The following COL22A1 variants were observed in gnomAD, a reference collection of about 807,000 sequenced individuals.
COL22A1 encodes the protein collagen type XXII alpha 1 chain, also known as collagen alpha-1(XXII) chain.
In COL22A1, 221 loss-of-function variants were observed where a neutral mutation model predicts 248.9. The ratio of observed to expected loss-of-function variants is 0.89; its 90% CI spans 0.80 to 0.99. COL22A1 has a LOEUF of 0.99. COL22A1 is among the 50% of genes least tolerant of loss of function. COL22A1 has a pLI of 0.00. For missense variants in COL22A1, 2,240 were observed against 2,179.0 expected, an observed-to-expected ratio of 1.03 and a Z score of -0.56; for synonymous variants, 891 against 793.4, an observed-to-expected ratio of 1.12 and a Z score of -2.07.
At chr8:138,704,245 A>G (rs1828217189) in intron 30 of COL22A1, among the ~76,000 whole-genome samples, 2 of 152,234 alleles carry the variant, frequency 1.3e-5, no homozygotes, top group Admixed American at 6.5e-5. Flanking sequence ...GAAGACTTAA[A>G]TGTCCCTGTT....
rs1350192573 is a variant in COL22A1, at chr8:138,596,941, A to G, written c.4395T>C (p.Arg1465=). 1.2e-6 allele frequency: 2 copies of G among 1,614,066 alleles called. No homozygotes were observed. The highest frequency in any genetic ancestry group is 8.5e-7 in the Non-Finnish European group (1 of 1,179,962). The change falls in exon 62 of 65, where the codon CGT becomes CGC. Residue 1465 remains arginine (R), a synonymous_variant. Transcript: ENST00000303045. The stretch of plus-strand genomic sequence containing the variant: ...TCCCCAGCTCTTCTTGAATAAGCCG[A>G]CGCAGGGTTTCCATGGATGGAGACT... ...RGESPSMETL[R]RLIQEELGKQ...
In COL22A1 at chr8:138,866,881, A is replaced by G. The variant is rs540477574; in HGVS notation, c.658+10869T>C. On this transcript the variant is annotated intron_variant, in intron 3 of 64. Coordinates refer to ENST00000303045, the MANE Select transcript of COL22A1 (RefSeq NM_152888.3). Reference sequence around the variant, plus strand: ...AGTGGGCCGCTGGTCATGCATTTTGACCAATACATGGAAGGGAAGAGAAGA... The same window carrying G: ...AGTGGGCCGCTGGTCATGCATTTTGGCCAATACATGGAAGGGAAGAGAAGA... Among the ~76,000 whole-genome samples, 24 of 152,260 alleles carry G rather than the reference A, an allele frequency of 1.6e-4. No homozygotes were observed. In the South Asian group the frequency reaches 4.8e-3, roughly 30 times the overall value.
intron 1 of COL22A1, among the ~76,000 whole-genome samples, chr8:138,896,356 T>C (rs1031543726): frequency 5.9e-5 from 9 of 152,060 alleles, no homozygotes; most frequent in African/African-American, 1.2e-4. Flanking sequence ...AGGGGAAGGG[T>C]AAAGGGACTT....
chr8:138,834,369 G>T (rs575476672), intron 4 of COL22A1, among the ~76,000 whole-genome samples: 18 of 151,498 alleles, frequency 1.2e-4, no homozygotes, highest in Non-Finnish European at 2.1e-4. Context: ...AACAGGAAAT[G>T]GACTTGTAGG....
At chr8:138,735,149 G>A (rs150124900) in intron 23 of COL22A1, among the ~76,000 whole-genome samples, 4,862 of 152,212 alleles carry the variant, frequency 0.032, 241 homozygotes, top group East Asian at 0.24. Flanking sequence ...AAACCTGCAC[G>A]TTCTGCACAT....
At chr8:138,667,800 C>G (rs1337737359) in intron 41 of COL22A1, among the ~76,000 whole-genome samples, 1 of 152,074 alleles carries the variant, frequency 6.6e-6, no homozygotes, top group African/African-American at 2.4e-5. Context: ...AGGGTGAATG[C>G]ATCACAAAGA....
chr8:138,887,183 C>T lies in COL22A1; in HGVS notation c.-72-3939G>A, dbSNP rs149246415. ...ACCTGTTAACTGTCCCCACCTCTCCCCACCCCTAGCCCCTCACTATCCTTC... is the reference window on the plus strand; with the variant it reads ...ACCTGTTAACTGTCCCCACCTCTCCTCACCCCTAGCCCCTCACTATCCTTC... On this transcript the variant is annotated intron_variant, in intron 1 of 64. Transcript: ENST00000303045. 1.1e-4 allele frequency among the ~76,000 whole-genome samples: 16 copies of T among 152,008 alleles called. No homozygotes were observed. In the East Asian group the frequency reaches 2.1e-3, roughly 20 times the overall value.
chr8:138,638,242 C>CA (rs982750779), intron 47 of COL22A1, among the ~76,000 whole-genome samples: 4 of 152,154 alleles, frequency 2.6e-5, no homozygotes, highest in Non-Finnish European at 5.9e-5. Flanking sequence ...GTTTTTAAAA[C>CA]AAAAACATTT....
At chr8:138,747,279 G>T (rs56689472) in intron 22 of COL22A1, among the ~76,000 whole-genome samples, 3,909 of 152,274 alleles carry the variant, frequency 0.026, 136 homozygotes, top group African/African-American at 0.08. Flanking sequence ...GTATATGAAG[G>T]TTCATTTTAC....
intron 32 of COL22A1, among the ~76,000 whole-genome samples, chr8:138,698,074 G>C (rs1586489609): frequency 2.0e-5 from 3 of 152,304 alleles, no homozygotes; most frequent in Admixed American, 2.0e-4. Context: ...TTTTTACAGA[G>C]CAATTCCTTT....
In COL22A1 at chr8:138,756,432, G is replaced by A. The variant is rs60956868; in HGVS notation, c.1903-603C>T. ...CCTGACCGGATGTTCCAGCGTGTGCGCTACAACTTGGTCCTAAATGAAGCA... is the reference window on the plus strand; with the variant it reads ...CCTGACCGGATGTTCCAGCGTGTGCACTACAACTTGGTCCTAAATGAAGCA... On this transcript the variant is annotated intron_variant, in intron 18 of 64. Transcript: ENST00000303045. Among the ~76,000 whole-genome samples the A allele has an allele frequency of 5.5e-3, 835 of 152,144 alleles. 5 individuals are homozygous for A. The highest frequency in any genetic ancestry group is 0.018 in the African/African-American group (748 of 41,474).
intron 39 of COL22A1, among the ~76,000 whole-genome samples, chr8:138,683,647 T>C (rs1427765784): frequency 6.6e-6 from 1 of 152,120 alleles, no homozygotes; most frequent in Non-Finnish European, 1.5e-5. Context: ...CCCCAAGAAT[T>C]TGGTAGAAGA....
intron 1 of COL22A1, among the ~76,000 whole-genome samples, chr8:138,893,148 C>T (rs964689330): frequency 2.0e-5 from 3 of 152,146 alleles, no homozygotes; most frequent in African/African-American, 7.2e-5. Context: ...ATCCTGGATT[C>T]GAAATTCAAC....
intron 12 of COL22A1, among the ~76,000 whole-genome samples, chr8:138,783,419 T>C (rs1323805987): frequency 1.3e-5 from 2 of 151,764 alleles, no homozygotes; most frequent in African/African-American, 4.8e-5. Flanking sequence ...GAACCTGGAG[T>C]TCAGTGTTCC....
At chr8:138,883,006 C>CCA in intron 2 of COL22A1, 76 bp downstream of exon 2, 1 of 1,313,650 alleles carries the variant, frequency 7.6e-7, no homozygotes, top group South Asian at 1.3e-5. Flanking sequence ...CATGCACACA[C>CCA]CACAGCCCAT....
intron 16 of COL22A1, among the ~76,000 whole-genome samples, chr8:138,773,274 C>T (rs1222115858): frequency 4.6e-5 from 7 of 152,144 alleles, no homozygotes; most frequent in East Asian, 3.9e-4. Flanking sequence ...GAGAAGCCAC[C>T]GCCTTCCCAG....
intron 16 of COL22A1, among the ~76,000 whole-genome samples, chr8:138,775,394 G>A (rs1449541948): frequency 6.6e-6 from 1 of 152,174 alleles, no homozygotes; most frequent in Non-Finnish European, 1.5e-5. Context: ...ACTGTTACCT[G>A]GCAGCAGTCA....
intron 5 of COL22A1, among the ~76,000 whole-genome samples, chr8:138,831,613 G>A (rs1468142776): frequency 6.6e-6 from 1 of 152,118 alleles, no homozygotes; most frequent in East Asian, 1.9e-4. Flanking sequence ...GGTAGAGGAA[G>A]AACATGAACT....
chr8:138,656,242 C>A (rs1325753409), intron 44 of COL22A1, among the ~76,000 whole-genome samples: 1 of 152,192 alleles, frequency 6.6e-6, no homozygotes, highest in Non-Finnish European at 1.5e-5. Context: ...CCCTCTTCCC[C>A]CCGACCACCA....
Sources: allele counts gnomAD v4.1 joint callset (sites outside exome capture counted in the v4.1 genomes callset), GRCh38; gene constraint gnomAD v4.1.1; transcripts MANE v1.5; gene names NCBI Gene and HGNC (gene_info 2026-07-23, HGNC 2026-07-21).